The following PRIMPOL variants were observed in gnomAD, a reference collection of about 807,000 sequenced individuals.
The protein encoded by PRIMPOL is DNA-directed primase/polymerase protein.
PRIMPOL carries 54 observed loss-of-function variants against 63.6 expected under a neutral mutation model. The ratio of observed to expected loss-of-function variants is 0.85; its 90% CI spans 0.68 to 1.07. The LOEUF is 1.07. Ranked by LOEUF, PRIMPOL falls within the 50% of genes least tolerant of loss-of-function variation. The pLI is 0.00. For missense variants in PRIMPOL, 610 were observed against 648.3 expected, an observed-to-expected ratio of 0.94 and a Z score of 0.64; for synonymous variants, 197 against 220.2, an observed-to-expected ratio of 0.89 and a Z score of 0.93.
At chr4:184,651,957 A>T (rs1463255070) in intron 1 of PRIMPOL, 66 bp from the exon 2 acceptor site, 1 of 152,362 alleles carries the variant, frequency 6.6e-6, no homozygotes, top group Non-Finnish European at 1.5e-5. Context: ...CAAACATTTT[A>T]ATTATAGCCA....
chr4:184,678,134 AT>A (rs1412493603), intron 7 of PRIMPOL, 97 bp from the exon 8 acceptor site: 3 of 673,902 alleles, frequency 4.5e-6, no homozygotes, highest in Non-Finnish European at 7.0e-6. Flanking sequence ...GAAAATAATT[AT>A]TTTTTATTAA....
chr4:184,667,591 T>C (rs1473660155), intron 6 of PRIMPOL, among the ~76,000 whole-genome samples: 1 of 152,224 alleles, frequency 6.6e-6, no homozygotes, highest in Non-Finnish European at 1.5e-5. Flanking sequence ...ATTACAGGCG[T>C]GAGCCACCGT....
At chr4:184,685,334 TCAA>T in intron 9 of PRIMPOL, 72 bp from the exon 10 acceptor site, 2 of 1,102,092 alleles carry the variant, frequency 1.8e-6, no homozygotes, top group Admixed American at 1.8e-5. Flanking sequence ...GTAATTGTGC[TCAA>T]CAACATTTAA....
intron 4 of PRIMPOL, 125 bp downstream of exon 4, chr4:184,659,562 T>C (rs1233090017): frequency 2.8e-6 from 2 of 712,404 alleles, no homozygotes; most frequent in Admixed American, 5.2e-5. Flanking sequence ...TTAGTTGCTC[T>C]TAGAATTGAA....
At chr4:184,683,245 A>G (rs1756121216) in intron 9 of PRIMPOL, among the ~76,000 whole-genome samples, 1 of 152,204 alleles carries the variant, frequency 6.6e-6, no homozygotes, top group African/African-American at 2.4e-5. Flanking sequence ...AGCCTGGCCA[A>G]CATGGTGAAA....
At chr4:184,666,229 T>A (rs886746973) in intron 6 of PRIMPOL, among the ~76,000 whole-genome samples, 165 bp downstream of exon 6, 1 of 152,198 alleles carries the variant, frequency 6.6e-6, no homozygotes, top group Non-Finnish European at 1.5e-5. Context: ...ATTCTAGCAC[T>A]TGGGGAGGCC....
At chr4:184,669,552 G>C (rs1332863322) in intron 6 of PRIMPOL, among the ~76,000 whole-genome samples, 1 of 152,326 alleles carries the variant, frequency 6.6e-6, no homozygotes, top group East Asian at 1.9e-4. Context: ...CGAAAGCTGA[G>C]AATCTCTTGC....
At chr4:184,658,513 CAAAAG>C (rs755048725) in intron 3 of PRIMPOL, among the ~76,000 whole-genome samples, 42 of 152,104 alleles carry the variant, frequency 2.8e-4, no homozygotes, top group Non-Finnish European at 5.1e-4. Context: ...TAAGAGGAAA[CAAAAG>C]AACTTGTGGA....
intron 7 of PRIMPOL, among the ~76,000 whole-genome samples, chr4:184,675,582 C>A (rs945275415): frequency 6.6e-6 from 1 of 152,062 alleles, no homozygotes; most frequent in African/African-American, 2.4e-5. Flanking sequence ...TTTAGGAGGC[C>A]AAGGCAGGTG....
chr4:184,694,535 C>T lies in PRIMPOL; in HGVS notation c.1439C>T (p.Thr480Ile), dbSNP rs1384428146. The T allele has an allele frequency of 6.2e-7, 1 of 1,611,322 alleles. No individual in the cohort carries two copies. The highest frequency in any genetic ancestry group is 1.1e-5 in the South Asian group (1 of 91,068). The change falls in exon 14 of 14, where the codon ACA (threonine) becomes ATA (isoleucine). Residue 480 changes from threonine (T) to isoleucine (I), a missense_variant. Coordinates refer to ENST00000314970, the MANE Select transcript of PRIMPOL (RefSeq NM_152683.4). ...ACTGAAATAAAGGAAGAAGAGTTTA[C>T]AACAGATGAAGCAGATGAAACTAGG... is the stretch of plus-strand genomic sequence containing the variant. ...LFLFKEEEEF[T>I]TDEADETRSN...
rs924225350 is a variant in PRIMPOL, at chr4:184,678,356, A to G, written c.969A>G (p.Glu323=). The G allele has an allele frequency of 2.1e-5, 33 of 1,607,904 alleles. No individual in the cohort carries two copies. Among genetic ancestry groups the G allele is most frequent in the Non-Finnish European group, 2.7e-5 (32 of 1,178,162 alleles). The change falls in exon 8 of 14, where the codon GAA becomes GAG. Residue 323 remains glutamate, a synonymous_variant. Transcript: ENST00000314970. Reference sequence around the variant, plus strand: ...TACAGTCAAAAGATGTTTCTGACGAATATCAATATTTTCTCTCTTCTTTGG... The same window carrying G: ...TACAGTCAAAAGATGTTTCTGACGAGTATCAATATTTTCTCTCTTCTTTGG... The part of the protein sequence containing the change: ...FPIQSKDVSD[E]YQYFLSSLVS...
intron 13 of PRIMPOL, 110 bp downstream of exon 13, chr4:184,691,822 T>A: frequency 1.3e-6 from 1 of 773,406 alleles, no homozygotes; most frequent in Non-Finnish European, 2.2e-6. Flanking sequence ...TGCTACCTTG[T>A]TTTCACTTAT....
intron 13 of PRIMPOL, 40 bp downstream of exon 13, chr4:184,691,752 T>A: frequency 1.3e-6 from 2 of 1,498,586 alleles, no homozygotes; most frequent in Non-Finnish European, 1.9e-6. Flanking sequence ...TACCAGGGAG[T>A]TCTTGGTACA....
intron 13 of PRIMPOL, among the ~76,000 whole-genome samples, chr4:184,692,396 C>T (rs894942891): frequency 7.0e-6 from 1 of 143,814 alleles, no homozygotes; most frequent in African/African-American, 2.5e-5. Context: ...ATCCCTTGAA[C>T]CTGGGAGGTG....
At chr4:184,657,399 G>A in intron 3 of PRIMPOL, 79 bp downstream of exon 3, 1 of 1,109,980 alleles carries the variant, frequency 9.0e-7, no homozygotes, top group Non-Finnish European at 1.2e-6. Context: ...TATAATTTCA[G>A]TTCTTTAAAA....
Position 184,685,439 on chromosome 4 carries a change from C to G in PRIMPOL, c.1127C>G (p.Pro376Arg). The G allele has an allele frequency of 6.2e-7, 1 of 1,612,622 alleles. No homozygotes were observed. The highest frequency in any genetic ancestry group is 8.5e-7 in the Non-Finnish European group (1 of 1,178,704). ...ACCATTGAAGGTTTTCAGTGTTCTC[C>G]CTATCCTGAAGTTGATCATTTTGTT... is the stretch of plus-strand genomic sequence containing the variant. Reference protein sequence around the residue: ...VETIEGFQCSPYPEVDHFVLS... With the variant: ...VETIEGFQCSRYPEVDHFVLS... The change falls in exon 10 of 14, where the codon CCC (proline) becomes CGC (arginine). Residue 376 changes from proline (P) to arginine (R), a missense_variant. Coordinates refer to ENST00000314970, the MANE Select transcript of PRIMPOL (RefSeq NM_152683.4).
chr4:184,674,632 G>A (rs780384487), intron 7 of PRIMPOL, among the ~76,000 whole-genome samples: 7 of 152,166 alleles, frequency 4.6e-5, no homozygotes, highest in Non-Finnish European at 8.8e-5. Context: ...ATTACTGATA[G>A]CCTACTCTTG....
At position 184,688,160 on chromosome 4, in the gene PRIMPOL, G is replaced by A. The variant is rs536903488; in HGVS notation, c.1295+2476G>A. 3.3e-5 allele frequency among the ~76,000 whole-genome samples: 5 copies of A among 152,292 alleles called. 1 individual carries two copies. The South Asian group carries it at 8.3e-4, about 25-fold the overall frequency. ...GGAACCGTGTTGTACATATCACCTA[G>A]TATACATGTGCTAGAGTTTCTCAAA... is the stretch of plus-strand genomic sequence containing the variant. On this transcript the variant is annotated intron_variant, in intron 11 of 13. Coordinates refer to ENST00000314970, the MANE Select transcript of PRIMPOL (RefSeq NM_152683.4).
At chr4:184,654,463 T>TTTGTTTTTTTTTG (rs75285337) in intron 2 of PRIMPOL, among the ~76,000 whole-genome samples, 3 of 148,786 alleles carry the variant, frequency 2.0e-5, no homozygotes, top group East Asian at 2.0e-4. Flanking sequence ...GTTTTTTTTT[T>TTTGTTTTTTTTTG]TTTTTGAGAC....
Sources: allele counts gnomAD v4.1 joint callset (sites outside exome capture counted in the v4.1 genomes callset), GRCh38; gene constraint gnomAD v4.1.1; transcripts MANE v1.5; gene names NCBI Gene and HGNC (gene_info 2026-07-23, HGNC 2026-07-21).